The following DIAPH2 variants were observed in gnomAD, a reference collection of about 807,000 sequenced individuals.
The protein encoded by DIAPH2 is diaphanous related formin 2.
In DIAPH2, 35 loss-of-function variants were observed where a neutral mutation model predicts 92.7. The ratio of observed to expected loss-of-function variants is 0.38; its 90% CI spans 0.29 to 0.50. The LOEUF (loss-of-function observed/expected upper bound fraction) is 0.50, where lower values mean the gene tolerates loss of function less well. Ranked by LOEUF, DIAPH2 falls within the 20% of genes least tolerant of loss-of-function variation. The probability of loss-of-function intolerance (pLI) is 0.94; values close to 1 mark genes in which losing one functional copy is unlikely to be tolerated. For missense variants in DIAPH2, 701 were observed against 819.5 expected (o/e 0.86, Z 1.77); for synonymous variants, 301 against 280.4 (o/e 1.07, Z -0.73).
rs1483701074 is a variant in DIAPH2 at position 96,962,504 on chromosome X, TATA to T, written c.1936-2588_1936-2586del. Among the ~76,000 whole-genome samples, 159 of 82,286 alleles carry T rather than the reference TATA, an allele frequency of 1.9e-3. 4 individuals are homozygous for T. Among genetic ancestry groups the T allele is most frequent in the Admixed American group, 0.016 (110 of 7,087 alleles). 71.5% of individuals were successfully genotyped at this position (82,286 alleles called of 115,157 possible). A position where few individuals can be genotyped will look rare whatever the true frequency, so the allele number is the denominator to read the frequency against. On this transcript the variant is annotated intron_variant, in intron 16 of 26. Coordinates refer to ENST00000324765, the MANE Select transcript of DIAPH2 (RefSeq NM_006729.5). The stretch of plus-strand genomic sequence containing the variant: ...ACACACACACACACACACATATATA[TATA>T]TATATATATATATATACCTACTTTG...
intron 1 of DIAPH2, among the ~76,000 whole-genome samples, chrX:96,691,519 T>C (rs2063798053): frequency 1.8e-5 from 2 of 112,135 alleles, no homozygotes. Flanking sequence ...TCAGGTTGAG[T>C]CTGTTTCCAA....
chrX:97,522,681 A>G (rs2070998956), intron 26 of DIAPH2, among the ~76,000 whole-genome samples: 1 of 112,760 alleles, frequency 8.9e-6, no homozygotes, highest in Non-Finnish European at 1.9e-5. Flanking sequence ...AGGCAAATGG[A>G]ACCCTCATTT....
At chrX:97,514,854 G>C (rs1443544702) in intron 26 of DIAPH2, among the ~76,000 whole-genome samples, 1 of 111,705 alleles carries the variant, frequency 9.0e-6, no homozygotes, top group South Asian at 3.8e-4. Context: ...ACTTGAGGAG[G>C]CAGCCTGCCC....
At chrX:96,892,255 C>T (rs931730353) in intron 5 of DIAPH2, among the ~76,000 whole-genome samples, 7 of 111,920 alleles carry the variant, frequency 6.3e-5, no homozygotes, top group Non-Finnish European at 1.3e-4. Flanking sequence ...ATACTTTTTA[C>T]AATGTAGAAA....
At chrX:97,516,288 GC>G (rs1240060243) in intron 26 of DIAPH2, among the ~76,000 whole-genome samples, 1 of 111,270 alleles carries the variant, frequency 9.0e-6, no homozygotes, top group Non-Finnish European at 1.9e-5. Context: ...AAGCCATAAG[GC>G]CATGAATGTA....
intron 4 of DIAPH2, among the ~76,000 whole-genome samples, chrX:96,803,617 C>T (rs190751928): frequency 8.9e-6 from 1 of 112,535 alleles, no homozygotes; most frequent in East Asian, 2.8e-4. Flanking sequence ...CACACATACT[C>T]TATTAATAGC....
chrX:97,311,888 A>AGTGCAGTGGC (rs1214041711), intron 23 of DIAPH2, among the ~76,000 whole-genome samples: 1 of 109,325 alleles, frequency 9.1e-6, no homozygotes, highest in East Asian at 2.9e-4. Flanking sequence ...AGTGCAGTGG[A>AGTGCAGTGGC]ACAATCTCGG....
chrX:97,102,956 G>A (rs1050885160), intron 20 of DIAPH2, among the ~76,000 whole-genome samples: 1 of 111,362 alleles, frequency 9.0e-6, no homozygotes, highest in Non-Finnish European at 1.9e-5. Context: ...AAAGAAGGAT[G>A]AGGAAACTGG....
At chrX:96,894,387 GTAGT>G (rs1438461813) in intron 5 of DIAPH2, among the ~76,000 whole-genome samples, 78 of 111,036 alleles carry the variant, frequency 7.0e-4, no homozygotes, top group African/African-American at 2.5e-3. Context: ...TTGGAGTGCT[GTAGT>G]TAAACACATT....
chrX:96,782,445 A>G (rs2064425226), intron 4 of DIAPH2, among the ~76,000 whole-genome samples: 1 of 111,523 alleles, frequency 9.0e-6, no homozygotes, highest in African/African-American at 3.3e-5. Context: ...ACAGGTGCTC[A>G]CCACCACACC....
chrX:96,843,482 G>A (rs1312075655), intron 4 of DIAPH2, among the ~76,000 whole-genome samples: 2 of 111,403 alleles, frequency 1.8e-5, no homozygotes, highest in African/African-American at 6.5e-5. Flanking sequence ...CTGAATTATA[G>A]GACCTTTTCT....
At chrX:96,848,017 T>C (rs901472153) in intron 4 of DIAPH2, among the ~76,000 whole-genome samples, 3 of 111,544 alleles carry the variant, frequency 2.7e-5, no homozygotes, top group African/African-American at 9.8e-5. Context: ...GTAATTCATT[T>C]TTATTTTTAT....
intron 22 of DIAPH2, among the ~76,000 whole-genome samples, chrX:97,232,280 G>C (rs1258872097): frequency 9.0e-6 from 1 of 111,596 alleles, no homozygotes; most frequent in Non-Finnish European, 1.9e-5. Flanking sequence ...TGTCACCCAG[G>C]CTGGAGTGTA....
intron 26 of DIAPH2, among the ~76,000 whole-genome samples, chrX:97,589,450 C>G (rs1055973590): frequency 9.2e-6 from 1 of 108,580 alleles, no homozygotes; most frequent in Non-Finnish European, 1.9e-5. Context: ...CAGATTATGA[C>G]ATACTCTTAT....
At chrX:97,393,148 A>G (rs1177742232) in intron 25 of DIAPH2, among the ~76,000 whole-genome samples, 1 of 111,293 alleles carries the variant, frequency 9.0e-6, no homozygotes, top group Non-Finnish European at 1.9e-5. Context: ...GGAAAAGAAC[A>G]GTGAAAGGTG....
chrX:96,804,528 A>G (rs2064608880), intron 4 of DIAPH2, among the ~76,000 whole-genome samples: 2 of 111,868 alleles, frequency 1.8e-5, no homozygotes, highest in African/African-American at 6.5e-5. Context: ...GACACATTTT[A>G]TATAACGCTT....
chrX:96,813,411 G>A (rs748005314), intron 4 of DIAPH2, among the ~76,000 whole-genome samples: 55 of 108,806 alleles, frequency 5.1e-4, no homozygotes, highest in African/African-American at 1.8e-3. Flanking sequence ...TTAAGCCTAT[G>A]TGTGTCTCTG....
intron 22 of DIAPH2, among the ~76,000 whole-genome samples, chrX:97,185,746 C>T (rs1361104488): frequency 9.4e-6 from 1 of 106,632 alleles, no homozygotes; most frequent in Non-Finnish European, 1.9e-5. Flanking sequence ...GTTGGTTATT[C>T]TCTCTTACTT....
intron 5 of DIAPH2, among the ~76,000 whole-genome samples, chrX:96,894,579 A>G (rs188559413): frequency 2.1e-3 from 238 of 111,680 alleles, no homozygotes; most frequent in African/African-American, 7.4e-3. Context: ...TTAAGATGGT[A>G]TAATACTTTA....
Sources: gnomAD v4.1 joint callset for allele counts (sites outside exome capture counted in the v4.1 genomes callset) on GRCh38, gnomAD v4.1.1 for gene constraint, MANE v1.5 for transcripts, NCBI Gene and HGNC (gene_info 2026-07-23, HGNC 2026-07-21) for gene names.